The following DACH2 variants were observed in gnomAD, a reference collection of about 807,000 sequenced individuals.
DACH2 encodes the protein dachshund homolog 2.
In DACH2, 17 loss-of-function variants were observed where a neutral mutation model predicts 35.8. The ratio of observed to expected loss-of-function variants is 0.48; its 90% CI spans 0.33 to 0.71. DACH2 has a LOEUF of 0.71. Among genes scored for constraint, DACH2 ranks in the 30% least tolerant of loss-of-function variants. DACH2 has a pLI of 0.02. For missense variants in DACH2, 469 were observed against 472.7 expected, an observed-to-expected ratio of 0.99 and a Z score of 0.07; for synonymous variants, 195 against 177.3, an observed-to-expected ratio of 1.10 and a Z score of -0.79.
At chrX:86,611,078 C>T (rs945599093) in intron 3 of DACH2, among the ~76,000 whole-genome samples, 1 of 111,041 alleles carries the variant, frequency 9.0e-6, no homozygotes, top group Non-Finnish European at 1.9e-5. Flanking sequence ...AGTGTACTAC[C>T]TTGGTATCAC....
chrX:86,434,296 T>C (rs1314964066), intron 2 of DACH2, among the ~76,000 whole-genome samples: 1 of 111,784 alleles, frequency 8.9e-6, no homozygotes, highest in Non-Finnish European at 1.9e-5. Context: ...TAATGGAGAA[T>C]GGGATATCCA....
rs190937473 is a variant in DACH2 at position 86,751,467 on chromosome X, C to T, written c.1240+11585C>T. Among the ~76,000 whole-genome samples, 336 of 111,184 alleles carry T rather than the reference C, an allele frequency of 3.0e-3. 1 individual carries two copies. Among genetic ancestry groups the T allele is most frequent in the African/African-American group, 0.01 (318 of 30,665 alleles). ...AGAAAAGGCTTTCAATAAAATTCAACACCCCTTCATGTTAAAAACTCTCAA... is the reference window on the plus strand; with the variant it reads ...AGAAAAGGCTTTCAATAAAATTCAATACCCCTTCATGTTAAAAACTCTCAA... On this transcript the variant is annotated intron_variant, in intron 7 of 11. Coordinates refer to ENST00000373125, the MANE Select transcript of DACH2 (RefSeq NM_053281.3).
chrX:86,229,273 C>T (rs1288956217), intron 1 of DACH2, among the ~76,000 whole-genome samples: 3 of 111,521 alleles, frequency 2.7e-5, no homozygotes, highest in African/African-American at 9.8e-5. Context: ...GATCAGTTGG[C>T]TGTAAGTATT....
In DACH2 at chrX:86,379,142, T is replaced by C. The variant is rs1010466557; in HGVS notation, c.527+2280T>C. ...GTGTATAACATGTGTTGTTTTATTT[T>C]AAATTGGCTTGCCTTTAAACAAATT... On this transcript the variant is annotated intron_variant, in intron 2 of 11. Transcript: ENST00000373125. 4.5e-5 allele frequency among the ~76,000 whole-genome samples: 5 copies of C among 111,439 alleles called. No homozygotes were observed. In the Admixed American group the frequency reaches 4.8e-4, roughly 11 times the overall value.
At chrX:86,719,943 C>T (rs2369455) in intron 6 of DACH2, among the ~76,000 whole-genome samples, 19,204 of 62,158 alleles carry the variant, frequency 0.31, 1,859 homozygotes, top group Admixed American at 0.5. Flanking sequence ...TTTTTTTTTT[C>T]TTTTTTTTTT....
At chrX:86,223,302 C>T (rs1301245133) in intron 1 of DACH2, among the ~76,000 whole-genome samples, 1 of 111,422 alleles carries the variant, frequency 9.0e-6, no homozygotes, top group Admixed American at 9.5e-5. Flanking sequence ...AATATAATGT[C>T]TTTACTAGAG....
intron 3 of DACH2, among the ~76,000 whole-genome samples, chrX:86,642,994 TA>T (rs1397344197): frequency 1.8e-5 from 2 of 109,839 alleles, no homozygotes; most frequent in Non-Finnish European, 3.8e-5. Context: ...AATGCCCACA[TA>T]AAAAAGTTAG....
At chrX:86,477,393 T>C (rs2037863634) in intron 2 of DACH2, among the ~76,000 whole-genome samples, 1 of 103,201 alleles carries the variant, frequency 9.7e-6, no homozygotes, top group Non-Finnish European at 2.0e-5. Context: ...TCTTGTTTAA[T>C]TGACTCCTTT....
intron 2 of DACH2, among the ~76,000 whole-genome samples, chrX:86,499,123 G>A (rs1009064540): frequency 2.7e-5 from 3 of 111,958 alleles, no homozygotes; most frequent in African/African-American, 9.7e-5. Context: ...TCCTGCCAAC[G>A]TTATATAAAA....
intron 5 of DACH2, among the ~76,000 whole-genome samples, chrX:86,706,053 A>C (rs1206306901): frequency 9.0e-6 from 1 of 111,462 alleles, no homozygotes; most frequent in Admixed American, 9.6e-5. Context: ...GTGTATGAAA[A>C]GAAATACAGA....
intron 2 of DACH2, among the ~76,000 whole-genome samples, chrX:86,427,462 T>TGTCTGTGG (rs2036913063): frequency 9.0e-6 from 1 of 111,030 alleles, no homozygotes; most frequent in African/African-American, 3.3e-5. Flanking sequence ...TGTAGTGAAT[T>TGTCTGTGG]GTCTGTGGAA....
At chrX:86,686,548 T>A (rs975988544) in intron 4 of DACH2, among the ~76,000 whole-genome samples, 2 of 111,141 alleles carry the variant, frequency 1.8e-5, no homozygotes, top group Admixed American at 9.6e-5. Flanking sequence ...GGTATTTTTT[T>A]AAAAAAACTT....
At chrX:86,307,908 G>A (rs1429705472) in intron 1 of DACH2, among the ~76,000 whole-genome samples, 1 of 111,859 alleles carries the variant, frequency 8.9e-6, no homozygotes, top group Non-Finnish European at 1.9e-5. Context: ...ATTGATTTGG[G>A]CCCACTAAGT....
At chrX:86,809,450 C>T (rs1256290210) in intron 7 of DACH2, among the ~76,000 whole-genome samples, 1 of 110,556 alleles carries the variant, frequency 9.0e-6, no homozygotes, top group African/African-American at 3.3e-5. Context: ...AAATATATTA[C>T]AAGATTGAAA....
chrX:86,728,474 C>T (rs2041496151), intron 6 of DACH2, among the ~76,000 whole-genome samples: 1 of 112,619 alleles, frequency 8.9e-6, no homozygotes, highest in African/African-American at 3.2e-5. Context: ...ATGGAGCAAC[C>T]ATTTGCTAGA....
intron 3 of DACH2, among the ~76,000 whole-genome samples, chrX:86,642,866 T>A (rs923649564): frequency 1.8e-5 from 2 of 111,618 alleles, no homozygotes; most frequent in African/African-American, 6.5e-5. Flanking sequence ...TTGTGGTAAA[T>A]AATGAAATTA....
intron 7 of DACH2, among the ~76,000 whole-genome samples, chrX:86,764,211 C>A (rs758037612): frequency 8.9e-6 from 1 of 112,102 alleles, no homozygotes; most frequent in East Asian, 2.8e-4. Context: ...TATGAATTTT[C>A]TTTTCCTGTT....
At chrX:86,462,481 G>A (rs1291906270) in intron 2 of DACH2, among the ~76,000 whole-genome samples, 2 of 111,305 alleles carry the variant, frequency 1.8e-5, no homozygotes, top group African/African-American at 3.3e-5. Flanking sequence ...GTTGGCAGGG[G>A]CAAGAGGTCT....
Position 86,812,925 on chromosome X carries a change from C to A in DACH2, c.1310C>A (p.Ala437Glu), listed in dbSNP as rs749246868. The A allele has an allele frequency of 1.8e-5, 22 of 1,206,281 alleles. No individual in the cohort carries two copies. The East Asian group carries it at 6.2e-4, about 34-fold the overall frequency. Residue 437 changes from alanine (A) to glutamate (E), a missense_variant, in exon 8 of 12, where the codon GCA becomes GAA. Ala to Glu is a moderately radical substitution (Grantham distance 107). This residue lies in a region of DACH2 where 363 missense variants were observed against 334.4 expected (regional missense o/e 1.09). Coordinates refer to ENST00000373125, the MANE Select transcript of DACH2 (RefSeq NM_053281.3). ...LDKIQLTPGQ[A>E]LPAGFPGPFI... ...AAGATACAGCTGACTCCTGGGCAGG[C>A]ATTGCCCGCTGGATTCCCTGGACCA... is the stretch of plus-strand genomic sequence containing the variant.
Sources: allele counts gnomAD v4.1 joint callset (sites outside exome capture counted in the v4.1 genomes callset), GRCh38; gene constraint gnomAD v4.1.1; regional missense constraint gnomAD v4.1.1; transcripts MANE v1.5; gene names NCBI Gene and HGNC (gene_info 2026-07-23, HGNC 2026-07-21).